The following PCDH15 variants were observed in gnomAD, a reference collection of about 807,000 sequenced individuals.
The protein encoded by PCDH15 is protocadherin related 15.
In PCDH15, 129 loss-of-function variants were observed where a neutral mutation model predicts 178.5. The observed-to-expected ratio is 0.72, with a 90% CI of 0.63 to 0.84. PCDH15 has a LOEUF of 0.84. PCDH15 is among the 40% of genes least tolerant of loss of function. The pLI is 0.00. For synonymous variants in PCDH15, 800 were observed against 732.0 expected (o/e 1.09, Z -1.50); for missense variants, 2,230 against 2,099.9 (o/e 1.06, Z -1.21).
Position 54,038,730 on chromosome 10 carries a change from C to G in PCDH15, c.2221-15533G>C, listed in dbSNP as rs562512854. The stretch of plus-strand genomic sequence containing the variant: ...AAGCCAAGACATTCAGCTCTACCTT[C>G]AAGGGAGATCTGCTTGGCACACAGT... On this transcript the variant is annotated intron_variant, in intron 18 of 37. Coordinates refer to ENST00000644397, the MANE Select transcript of PCDH15 (RefSeq NM_001384140.1). Among the ~76,000 whole-genome samples, 78 of 152,074 alleles carry G rather than the reference C, an allele frequency of 5.1e-4. 1 individual carries two copies. Among genetic ancestry groups the G allele is most frequent in the South Asian group, 4.4e-3 (21 of 4,822 alleles).
intron 3 of PCDH15, among the ~76,000 whole-genome samples, chr10:54,891,960 T>C (rs957733557): frequency 1.3e-5 from 2 of 152,070 alleles, no homozygotes; most frequent in Non-Finnish European, 1.5e-5. Context: ...ACAAGGAATG[T>C]CATATCAAAG....
intron 2 of PCDH15, among the ~76,000 whole-genome samples, chr10:54,601,688 G>A (rs1351514090): frequency 6.6e-6 from 1 of 151,880 alleles, no homozygotes; most frequent in Non-Finnish European, 1.5e-5. Context: ...TCCCATTACT[G>A]GGTATATAGC....
intron 2 of PCDH15, among the ~76,000 whole-genome samples, chr10:54,639,340 C>T (rs968043758): frequency 2.0e-5 from 3 of 151,974 alleles, no homozygotes; most frequent in African/African-American, 7.2e-5. Flanking sequence ...TATTCTTTAG[C>T]CCTAGATATA....
At chr10:53,813,339 A>G (rs964517820) in intron 35 of PCDH15, among the ~76,000 whole-genome samples, 2 of 152,136 alleles carry the variant, frequency 1.3e-5, no homozygotes, top group African/African-American at 4.8e-5. Context: ...CTTCTATCTT[A>G]TAATTTTGCC....
chr10:54,695,416 A>G (rs1476992963), intron 1 of PCDH15, among the ~76,000 whole-genome samples: 1 of 152,202 alleles, frequency 6.6e-6, no homozygotes, highest in Non-Finnish European at 1.5e-5. Flanking sequence ...ATAACATTTA[A>G]TGAAAGAAGT....
Position 54,090,054 on chromosome 10 carries a change from G to A in PCDH15, c.1927C>T (p.Arg643Ter), listed in dbSNP as rs727504301. ...AVLLNLQATDREGDSITYAIE... is the reference protein window; with the variant it reads ...AVLLNLQATD The stretch of plus-strand genomic sequence containing the variant: ...GCATATGTTATTGAGTCTCCCTCTC[G>A]ATCAGTTGCCTTCAGAGAGAAAACA... The change falls in exon 16 of 38, where the codon CGA becomes TGA. Residue 643 changes from arginine to a stop codon, truncating the protein, a stop_gained. Coordinates refer to ENST00000644397, the MANE Select transcript of PCDH15 (RefSeq NM_001384140.1). LOFTEE classifies it high-confidence loss of function. 9 of 1,610,438 alleles carry A rather than the reference G, an allele frequency of 5.6e-6. No homozygotes were observed. Among genetic ancestry groups the A allele is most frequent in the South Asian group, 2.2e-5 (2 of 91,018 alleles).
At chr10:53,863,209 A>T (rs769126027) in intron 27 of PCDH15, among the ~76,000 whole-genome samples, 5 of 152,308 alleles carry the variant, frequency 3.3e-5, no homozygotes, top group Middle Eastern at 3.4e-3. Flanking sequence ...AAGTTATGGG[A>T]CTAAGTGAGC....
chr10:55,005,078 A>G (rs978140059), intron 2 of PCDH15, among the ~76,000 whole-genome samples: 7 of 151,970 alleles, frequency 4.6e-5, no homozygotes, highest in Admixed American at 2.6e-4. Context: ...TTCTATCAAT[A>G]ATAATGAATG....
At chr10:54,772,966 G>A (rs1591552554) in intron 1 of PCDH15, among the ~76,000 whole-genome samples, 1 of 152,232 alleles carries the variant, frequency 6.6e-6, no homozygotes, top group East Asian at 1.9e-4. Flanking sequence ...CCTTTGAAGG[G>A]ACGTGGATGG....
At chr10:54,109,907 TG>T (rs1564441280) in intron 15 of PCDH15, among the ~76,000 whole-genome samples, 2 of 152,216 alleles carry the variant, frequency 1.3e-5, no homozygotes, top group Non-Finnish European at 2.9e-5. Context: ...ATTATCCTGA[TG>T]TGACTATTAT....
chr10:54,127,798 T>C (rs565566582), intron 15 of PCDH15, among the ~76,000 whole-genome samples: 1 of 152,232 alleles, frequency 6.6e-6, no homozygotes, highest in South Asian at 2.1e-4. Flanking sequence ...TTTCAGGCTT[T>C]TATATTGATC....
intron 1 of PCDH15, among the ~76,000 whole-genome samples, chr10:54,780,093 G>T (rs559599661): frequency 6.6e-6 from 1 of 152,272 alleles, no homozygotes; most frequent in African/African-American, 2.4e-5. Context: ...GTTCCGCAGA[G>T]AAGTTCTCAA....
chr10:54,964,199 C>A (rs1038840499), intron 2 of PCDH15, among the ~76,000 whole-genome samples: 7 of 152,102 alleles, frequency 4.6e-5, no homozygotes, highest in Admixed American at 4.6e-4. Context: ...GGAACTTTTT[C>A]AAGTTTTAAG....
chr10:54,921,740 G>A (rs2131844528), intron 2 of PCDH15, among the ~76,000 whole-genome samples: 1 of 152,048 alleles, frequency 6.6e-6, no homozygotes, highest in African/African-American at 2.4e-5. Context: ...CACTGTATTA[G>A]TCCACTCTAG....
chr10:54,024,935 A>T (rs1407020694), intron 18 of PCDH15, among the ~76,000 whole-genome samples: 1 of 152,086 alleles, frequency 6.6e-6, no homozygotes, highest in Non-Finnish European at 1.5e-5. Flanking sequence ...CAAAATATAA[A>T]TATGTTTTGT....
intron 3 of PCDH15, among the ~76,000 whole-genome samples, chr10:54,875,189 T>C (rs72798526): frequency 0.15 from 23,382 of 152,208 alleles, 2,173 homozygotes; most frequent in Non-Finnish European, 0.21. Context: ...TGTGATTACA[T>C]GTGTTATGGT....
At chr10:54,074,481 A>G (rs1316998835) in intron 17 of PCDH15, among the ~76,000 whole-genome samples, 8 of 152,200 alleles carry the variant, frequency 5.3e-5, no homozygotes, top group Non-Finnish European at 1.2e-4. Flanking sequence ...CACTTAGCAT[A>G]ATGTTCTCAA....
intron 20 of PCDH15, among the ~76,000 whole-genome samples, chr10:53,998,620 C>CAA (rs1271459149): frequency 6.7e-6 from 1 of 150,286 alleles, no homozygotes; most frequent in African/African-American, 2.4e-5. Context: ...TCTACACACA[C>CAA]AAAAAAAATA....
At chr10:55,184,229 C>G (rs893891454) in intron 1 of PCDH15, among the ~76,000 whole-genome samples, 2 of 151,856 alleles carry the variant, frequency 1.3e-5, no homozygotes, top group Non-Finnish European at 2.9e-5. Flanking sequence ...GCTGGTGAGG[C>G]TGGTGGAACA....
Sources: gnomAD v4.1 joint callset for allele counts (sites outside exome capture counted in the v4.1 genomes callset) on GRCh38, gnomAD v4.1.1 for gene constraint, MANE v1.5 for transcripts, NCBI Gene and HGNC (gene_info 2026-07-23, HGNC 2026-07-21) for gene names.